LIPI: variants seen among roughly 807,000 people sequenced by gnomAD.
LIPI encodes lipase I.
A neutral mutation model predicts 50.6 loss-of-function variants in LIPI; 59 were observed. The observed-to-expected ratio is 1.16, with a 90% CI of 0.94 to 1.45. The LOEUF is 1.45. LIPI is among the 40% of genes most tolerant of loss of function. The pLI is 0.00. For missense variants in LIPI, 586 were observed against 536.3 expected (o/e 1.09, Z -0.92); for synonymous variants, 203 against 178.2 (o/e 1.14, Z -1.11).
intron 6 of LIPI, 60 bp downstream of exon 6, chr21:14,165,163 C>T: frequency 1.5e-6 from 2 of 1,309,218 alleles, no homozygotes; most frequent in Non-Finnish European, 2.2e-6. Context: ...GCAGAAAATA[C>T]TAACAATTAT....
At chr21:14,165,418 C>T in intron 5 of LIPI, 28 bp from the exon 6 acceptor site, 1 of 1,535,888 alleles carries the variant, frequency 6.5e-7, no homozygotes, top group Non-Finnish European at 9.0e-7. Flanking sequence ...AAACAAAGAA[C>T]TGTAGATGTA....
intron 4 of LIPI, among the ~76,000 whole-genome samples, chr21:14,171,485 C>A (rs987136591): frequency 1.3e-4 from 19 of 150,846 alleles, no homozygotes; most frequent in Admixed American, 1.2e-3. Context: ...GCTACAGTAA[C>A]CAAAACAGCA....
intron 8 of LIPI, among the ~76,000 whole-genome samples, chr21:14,147,219 C>T (rs977990712): frequency 1.3e-5 from 2 of 152,094 alleles, no homozygotes; most frequent in African/African-American, 2.4e-5. Context: ...ATTCAGGACT[C>T]GACTAATATA....
intron 9 of LIPI, among the ~76,000 whole-genome samples, chr21:14,120,286 G>A (rs1600830400): frequency 6.6e-6 from 1 of 152,174 alleles, no homozygotes; most frequent in Non-Finnish European, 1.5e-5. Context: ...CCGCCCCCTA[G>A]CGGTAGGAAC....
At chr21:14,156,425 G>A (rs2018272748) in intron 7 of LIPI, among the ~76,000 whole-genome samples, 1 of 151,748 alleles carries the variant, frequency 6.6e-6, no homozygotes, top group Admixed American at 6.6e-5. Flanking sequence ...AAGGCCACAA[G>A]CCAACAAATA....
chr21:14,129,159 A>G (rs1278922197), intron 9 of LIPI, among the ~76,000 whole-genome samples: 2 of 152,106 alleles, frequency 1.3e-5, no homozygotes. Context: ...TTTATAGATA[A>G]GAGAAGGCAT....
intron 8 of LIPI, among the ~76,000 whole-genome samples, chr21:14,152,351 G>C (rs917265708): frequency 2.0e-5 from 3 of 151,994 alleles, no homozygotes; most frequent in South Asian, 2.1e-4. Context: ...AACTTTTAAA[G>C]TCACTAGTTG....
At chr21:14,161,807 G>A (rs551728348) in intron 7 of LIPI, among the ~76,000 whole-genome samples, 476 of 31,928 alleles carry the variant, frequency 0.015, 134 homozygotes, top group African/African-American at 0.09. Context: ...ATATATTAAT[G>A]TATAATATAT....
In LIPI at chr21:14,189,158, T is replaced by G; in HGVS notation, c.308A>C (p.Glu103Ala). Residue 103 changes from glutamate (E) to alanine (A), a missense_variant, in exon 2 of 10, where the codon GAA becomes GCA. Transcript: ENST00000681601. ...LQNFVRILLN[E>A]EDMNVIVVDW... is the part of the protein sequence containing the mutation. The stretch of plus-strand genomic sequence containing the variant: ...TACTACAATTACATTCATATCTTCT[T>G]CATTCAGCAAAATCCTTACGAAGTT... 6.2e-7 allele frequency: 1 copy of G among 1,614,138 alleles called. No homozygotes were observed.
intron 9 of LIPI, among the ~76,000 whole-genome samples, chr21:14,119,736 A>G (rs1414485968): frequency 6.6e-6 from 1 of 152,208 alleles, no homozygotes; most frequent in Non-Finnish European, 1.5e-5. Context: ...AAATGGCTAC[A>G]GTAGTCTTAG....
chr21:14,126,842 T>A (rs1248734199), intron 9 of LIPI, among the ~76,000 whole-genome samples: 1 of 152,178 alleles, frequency 6.6e-6, no homozygotes, highest in African/African-American at 2.4e-5. Context: ...GCACAGTGGT[T>A]GCCAGCAGGT....
At chr21:14,129,882 A>C (rs1308460695) in intron 9 of LIPI, among the ~76,000 whole-genome samples, 1 of 151,688 alleles carries the variant, frequency 6.6e-6, no homozygotes, top group Non-Finnish European at 1.5e-5. Flanking sequence ...CAACTCACAC[A>C]ACATAGAAAA....
chr21:14,124,627 G>C (rs986954314), intron 9 of LIPI, among the ~76,000 whole-genome samples: 2 of 152,196 alleles, frequency 1.3e-5, no homozygotes, highest in African/African-American at 2.4e-5. Context: ...CTGATCAACT[G>C]CCTAAGTACG....
In LIPI at chr21:14,124,699, G is replaced by A. The variant is rs572351013; in HGVS notation, c.1296-15619C>T. On this transcript the variant is annotated intron_variant, in intron 9 of 9. Transcript: ENST00000681601. ...TAAAAGGTGGCTGCTTTCTTTGTCC[G>A]GGGCTCAGACTTTTCTGGACACTAG... is the stretch of plus-strand genomic sequence containing the variant. 1.6e-4 allele frequency among the ~76,000 whole-genome samples: 25 copies of A among 152,266 alleles called. No individual in the cohort carries two copies. The South Asian group carries it at 2.7e-3, about 16-fold the overall frequency.
At chr21:14,109,435 G>C (rs542445231) in intron 9 of LIPI, among the ~76,000 whole-genome samples, 45 of 152,194 alleles carry the variant, frequency 3.0e-4, no homozygotes, top group Non-Finnish European at 5.7e-4. Flanking sequence ...CACCAGAAGA[G>C]AGTCAGGGTG....
At position 14,134,263 on chromosome 21, in the gene LIPI, TAAC is replaced by T. The variant is rs1230167256; in HGVS notation, c.1295+10357_1295+10359del. Among the ~76,000 whole-genome samples the T allele has an allele frequency of 4.6e-5, 7 of 151,942 alleles. No individual in the cohort carries two copies. In the East Asian group the frequency reaches 1.2e-3, roughly 25 times the overall value. On this transcript the variant is annotated intron_variant, in intron 9 of 9. Transcript: ENST00000681601. ...AAACAAAAACAAAACTCTGTAAGGA[TAAC>T]AACAAATTACTGATGAGAGAAATCA...
chr21:14,146,963 G>C (rs2017930668), intron 8 of LIPI, among the ~76,000 whole-genome samples: 1 of 151,822 alleles, frequency 6.6e-6, no homozygotes, highest in Non-Finnish European at 1.5e-5. Flanking sequence ...ATTTTTATTA[G>C]AGACAGGGTT....
chr21:14,173,164 C>T (rs191447587), intron 4 of LIPI, among the ~76,000 whole-genome samples: 89 of 152,254 alleles, frequency 5.8e-4, no homozygotes, highest in Non-Finnish European at 1.0e-3. Context: ...ATACGCTCGG[C>T]GAAGAAGCCA....
At chr21:14,184,226 A>G (rs1466907853) in intron 3 of LIPI, among the ~76,000 whole-genome samples, 2 of 152,164 alleles carry the variant, frequency 1.3e-5, no homozygotes, top group African/African-American at 4.8e-5. Flanking sequence ...TATCGCAAGG[A>G]CAAAAAACCA....
Sources: gnomAD v4.1 joint callset for allele counts (sites outside exome capture counted in the v4.1 genomes callset) on GRCh38, gnomAD v4.1.1 for gene constraint, MANE v1.5 for transcripts, NCBI Gene and HGNC (gene_info 2026-07-23, HGNC 2026-07-21) for gene names.